The following ATG3 variants were observed in gnomAD, a reference collection of about 807,000 sequenced individuals.
ATG3 encodes ubiquitin-like-conjugating enzyme ATG3.
ATG3 carries 25 observed loss-of-function variants against 50.7 expected under a neutral mutation model. That is an observed-to-expected ratio of 0.49 (90% CI 0.36 to 0.69). The LOEUF (loss-of-function observed/expected upper bound fraction) is 0.69. ATG3 is among the 30% of genes least tolerant of loss of function. The pLI is 0.00. For missense variants in ATG3, 281 were observed against 376.0 expected, an observed-to-expected ratio of 0.75 and a Z score of 2.09; for synonymous variants, 119 against 125.5, an observed-to-expected ratio of 0.95 and a Z score of 0.34.
chr3:112,546,329 C>T (rs541942610), intron 5 of ATG3, among the ~76,000 whole-genome samples: 4 of 151,364 alleles, frequency 2.6e-5, no homozygotes, highest in East Asian at 1.9e-4. Context: ...ACCTGATAAT[C>T]GAGTTGGCTA....
chr3:112,546,837 G>A (rs192464708), intron 5 of ATG3, among the ~76,000 whole-genome samples: 1 of 152,310 alleles, frequency 6.6e-6, no homozygotes, highest in East Asian at 1.9e-4. Context: ...CTACTCAGTG[G>A]GGCGGGGGGA....
At chr3:112,551,588 A>G (rs1260770053) in intron 3 of ATG3, among the ~76,000 whole-genome samples, 2 of 152,224 alleles carry the variant, frequency 1.3e-5, no homozygotes, top group Non-Finnish European at 2.9e-5. Flanking sequence ...CATATATACA[A>G]GCCCCTACAA....
chr3:112,537,518 A>G, intron 9 of ATG3: 1 of 372,434 alleles, frequency 2.7e-6, no homozygotes, highest in Admixed American at 4.5e-5. Context: ...GTAATAGATT[A>G]TTTCTGTTTA....
chr3:112,533,226 G>C, intron 11 of ATG3: 1 of 985,186 alleles, frequency 1.0e-6, no homozygotes, highest in Non-Finnish European at 1.2e-6. Flanking sequence ...GTTAGTGTAT[G>C]TATTTGCCAA....
intron 6 of ATG3, 86 bp downstream of exon 6, chr3:112,543,951 GGGTTTTTATAAGAAAGATAT>G: frequency 2.6e-6 from 2 of 776,178 alleles, no homozygotes; most frequent in South Asian, 5.3e-5. Flanking sequence ...TAAAAAACCA[GGGTTTTTATAAGAAAGATAT>G]GGTGATTATA....
rs189978290 is a variant in ATG3 at position 112,534,561 on chromosome 3, A to G, written c.795-224T>C. 483 of 263,506 alleles carry G rather than the reference A, an allele frequency of 1.8e-3. No individual in the cohort carries two copies. The Middle Eastern group carries it at 0.019, about 10-fold the overall frequency. The allele number at this position is 263,506 out of a possible 1,614,324, so 16.3% of individuals were successfully genotyped here. On this transcript the variant is annotated intron_variant, in intron 10 of 11. Coordinates refer to ENST00000283290, the MANE Select transcript of ATG3 (RefSeq NM_022488.5). ...CCCCTCCACTTCCGAAACACAAAAGATAACAGATTGTTATGCCATGCCAAC... is the reference window on the plus strand; with the variant it reads ...CCCCTCCACTTCCGAAACACAAAAGGTAACAGATTGTTATGCCATGCCAAC...
In ATG3 at chr3:112,532,729, T is replaced by C; in HGVS notation, c.915A>G (p.Glu305=). 6.2e-7 allele frequency: 1 copy of C among 1,600,028 alleles called. No homozygotes were observed. The highest frequency in any genetic ancestry group is 8.5e-7 in the Non-Finnish European group (1 of 1,172,852). The change falls in exon 12 of 12, where the codon GAA becomes GAG. Residue 305 remains glutamate (E), a synonymous_variant. Coordinates refer to ENST00000283290, the MANE Select transcript of ATG3 (RefSeq NM_022488.5). ...TTGTGAAGTGTCTTGTGTAGTCATA[T>C]TCTATTGTTGGAATGACAGCTTGTA... ...KFVQAVIPTI[E]YDYTRHFTM is the part of the protein sequence containing the mutation.
chr3:112,560,532 C>A (rs1349615997), intron 1 of ATG3, among the ~76,000 whole-genome samples: 1 of 152,016 alleles, frequency 6.6e-6, no homozygotes, highest in Non-Finnish European at 1.5e-5. Flanking sequence ...AGGTATTTCA[C>A]CCCCACACTG....
chr3:112,533,601 A>G lies in ATG3; in HGVS notation c.863+668T>C, dbSNP rs16859716. The G allele has an allele frequency of 1.2e-3, 1,142 of 985,358 alleles. 14 individuals are homozygous for G. The African/African-American group carries it at 0.019, about 16-fold the overall frequency. 61.0% of individuals were successfully genotyped at this position (985,358 alleles called of 1,614,324 possible). A position where few individuals can be genotyped will look rare whatever the true frequency, so the allele number is the denominator to read the frequency against. On this transcript the variant is annotated intron_variant, in intron 11 of 11. Transcript: ENST00000283290. ...AGCCGAAACCACCACCAAGTCAAGT[A>G]TTAACCTAGCATCAAACTAATTCAA...
chr3:112,561,654 GGGGAC>G lies in ATG3; in HGVS notation c.-131_-127del. On this transcript the variant is annotated 5_prime_UTR_variant, in exon 1 of 12. Coordinates refer to ENST00000283290, the MANE Select transcript of ATG3 (RefSeq NM_022488.5). ...TCAGCACCCGGCTGGCAGCACCCGA[GGGGAC>G]GGGACGCGACGCGACGGGACGGGCG... 1.0e-6 allele frequency: 1 copy of G among 988,496 alleles called. No homozygotes were observed. Among genetic ancestry groups the G allele is most frequent in the Non-Finnish European group, 1.5e-6 (1 of 672,618 alleles). 61.2% of individuals were successfully genotyped at this position (988,496 alleles called of 1,614,324 possible). A position where few individuals can be genotyped will look rare whatever the true frequency, so the allele number is the denominator to read the frequency against.
At chr3:112,539,609 T>G (rs1275859554) in intron 7 of ATG3, among the ~76,000 whole-genome samples, 2 of 152,236 alleles carry the variant, frequency 1.3e-5, no homozygotes, top group Non-Finnish European at 2.9e-5. Context: ...GTATATATTT[T>G]GCTTATCTAT....
At chr3:112,550,039 C>T (rs903049437) in intron 4 of ATG3, among the ~76,000 whole-genome samples, 153 bp downstream of exon 4, 7 of 152,038 alleles carry the variant, frequency 4.6e-5, no homozygotes, top group Admixed American at 2.6e-4. Flanking sequence ...CCTCTTCCTT[C>T]GTATCTTGAC....
chr3:112,537,955 A>T, intron 8 of ATG3, 65 bp from the exon 9 acceptor site: 1 of 1,454,630 alleles, frequency 6.9e-7, no homozygotes, highest in Non-Finnish European at 9.4e-7. Context: ...ATTCTAGAAA[A>T]CTTATTTTTT....
intron 3 of ATG3, among the ~76,000 whole-genome samples, chr3:112,550,964 T>A (rs2107384416): frequency 6.6e-6 from 1 of 152,324 alleles, no homozygotes; most frequent in Non-Finnish European, 1.5e-5. Flanking sequence ...TTGCTTATGA[T>A]CACAAAACTT....
At chr3:112,543,121 G>A (rs758082483) in intron 6 of ATG3, among the ~76,000 whole-genome samples, 3 of 151,800 alleles carry the variant, frequency 2.0e-5, no homozygotes, top group Non-Finnish European at 4.4e-5. Context: ...AATCTAGAAA[G>A]ATCCAAATGA....
In ATG3 at chr3:112,556,390, C is replaced by T. The variant is rs1229581286; in HGVS notation, c.114+1986G>A. Among the ~76,000 whole-genome samples, 85 of 149,162 alleles carry T rather than the reference C, an allele frequency of 5.7e-4. 1 individual carries two copies. Among genetic ancestry groups the T allele is most frequent in the African/African-American group, 2.0e-3 (79 of 40,460 alleles). Reference sequence around the variant, plus strand: ...CCTCTGCCCGGCCAGCCGCCCCATCCGGGAGGGAGGTGGGGGGGTCAGCCC... The same window carrying T: ...CCTCTGCCCGGCCAGCCGCCCCATCTGGGAGGGAGGTGGGGGGGTCAGCCC... On this transcript the variant is annotated intron_variant, in intron 2 of 11. Transcript: ENST00000283290.
chr3:112,534,089 G>A lies in ATG3; in HGVS notation c.863+180C>T, dbSNP rs72938498. The A allele has an allele frequency of 1.7e-3, 2,324 of 1,343,092 alleles. 26 individuals are homozygous for A. In the African/African-American group the frequency reaches 0.031, roughly 18 times the overall value. 83.2% of individuals were successfully genotyped at this position (1,343,092 alleles called of 1,614,324 possible). A position where few individuals can be genotyped will look rare whatever the true frequency, so the allele number is the denominator to read the frequency against. ...ATGGGGACATGTTCTAATCAACTAA[G>A]CAAGGCATAACTATCACAATATAAC... On this transcript the variant is annotated intron_variant, in intron 11 of 11. Transcript: ENST00000283290.
At chr3:112,559,430 T>C (rs1301907061) in intron 1 of ATG3, among the ~76,000 whole-genome samples, 2 of 152,192 alleles carry the variant, frequency 1.3e-5, no homozygotes, top group Non-Finnish European at 2.9e-5. Flanking sequence ...ATAACATAAA[T>C]ACAAATTTAT....
chr3:112,548,702 G>GC, intron 4 of ATG3, 62 bp from the exon 5 acceptor site: 1 of 1,389,200 alleles, frequency 7.2e-7, no homozygotes, highest in Admixed American at 1.7e-5. Context: ...AAATCCATTA[G>GC]AAAGAAGAGA....
Sources: allele counts gnomAD v4.1 joint callset (sites outside exome capture counted in the v4.1 genomes callset), GRCh38; gene constraint gnomAD v4.1.1; transcripts MANE v1.5; gene names NCBI Gene and HGNC (gene_info 2026-07-23, HGNC 2026-07-21).